Variants in KIF26B observed in about 807,000 individuals in gnomAD.
KIF26B encodes kinesin family member 26B, also known as kinesin-like protein KIF26B.
In KIF26B, 63 loss-of-function variants were observed where a neutral mutation model predicts 151.2. That is an observed-to-expected ratio of 0.42 (90% CI 0.34 to 0.51). The LOEUF (loss-of-function observed/expected upper bound fraction) is 0.51, where lower values mean the gene tolerates loss of function less well. Ranked by LOEUF, KIF26B falls within the 20% of genes least tolerant of loss-of-function variation. The pLI, the probability that KIF26B is intolerant of heterozygous loss-of-function variation, is 0.07. For missense variants in KIF26B, 2,813 were observed against 2,913.6 expected, an observed-to-expected ratio of 0.97 and a Z score of 0.79; for synonymous variants, 1,357 against 1,262.1, an observed-to-expected ratio of 1.08 and a Z score of -1.59.
At chr1:245,284,809 C>T (rs1367848038) in intron 2 of KIF26B, among the ~76,000 whole-genome samples, 3 of 152,098 alleles carry the variant, frequency 2.0e-5, no homozygotes, top group East Asian at 1.9e-4. Context: ...GAGGCTGAGG[C>T]GGGCGGATCA....
intron 6 of KIF26B, among the ~76,000 whole-genome samples, chr1:245,607,414 C>G (rs186157698): frequency 6.6e-6 from 1 of 152,184 alleles, no homozygotes. Flanking sequence ...CTGAAACGTA[C>G]CACGGATTAG....
Position 245,688,417 on chromosome 1 carries a change from C to G in KIF26B, c.5434C>G (p.Leu1812Val). ...CGTCAGCGGGCGCATCTCGGAGCTG[C>G]TGCAGGGTGGCGCGGGCGCCCGGGG... ...RAVSGRISEL[L>V]QGGAGARGLQ... The change falls in exon 12 of 15, where the codon CTG becomes GTG. Residue 1812 changes from leucine to valine, a missense_variant. By Grantham distance (32) the Leu-to-Val change is conservative. This residue lies in a region of KIF26B where 2,060 missense variants were observed against 2,088.6 expected (regional missense o/e 0.99). Transcript: ENST00000407071. 6.8e-7 allele frequency: 1 copy of G among 1,460,012 alleles called. No individual in the cohort carries two copies. The highest frequency in any genetic ancestry group is 9.0e-7 in the Non-Finnish European group (1 of 1,112,630). 90.4% of individuals were successfully genotyped at this position (1,460,012 alleles called of 1,614,324 possible).
intron 4 of KIF26B, among the ~76,000 whole-genome samples, chr1:245,422,927 C>A (rs553608271): frequency 6.6e-6 from 1 of 151,780 alleles, no homozygotes; most frequent in Non-Finnish European, 1.5e-5. Context: ...GGTGAGACCC[C>A]GTCTCTACTA....
intron 9 of KIF26B, among the ~76,000 whole-genome samples, chr1:245,638,803 G>A (rs988976972): frequency 4.6e-5 from 7 of 151,846 alleles, no homozygotes; most frequent in Admixed American, 2.0e-4. Context: ...ACTTACATAT[G>A]TTGAACTATC....
chr1:245,517,519 G>C (rs1023996769), intron 4 of KIF26B, among the ~76,000 whole-genome samples: 7 of 152,194 alleles, frequency 4.6e-5, no homozygotes, highest in Non-Finnish European at 8.8e-5. Flanking sequence ...ATAGAGACCT[G>C]TAGACCAAAT....
chr1:245,396,961 C>CTT (rs1558150078), intron 3 of KIF26B, among the ~76,000 whole-genome samples: 114 of 97,086 alleles, frequency 1.2e-3, no homozygotes, highest in African/African-American at 8.1e-3. Context: ...CATTTCTACT[C>CTT]CTTTTTTTTT....
intron 4 of KIF26B, among the ~76,000 whole-genome samples, chr1:245,432,058 AC>A (rs1658794755): frequency 6.6e-6 from 1 of 151,722 alleles, no homozygotes; most frequent in Non-Finnish European, 1.5e-5. Context: ...CTCAAATGCC[AC>A]TTCCTTGGTA....
chr1:245,671,706 C>T (rs911362598), intron 10 of KIF26B, among the ~76,000 whole-genome samples: 1 of 152,224 alleles, frequency 6.6e-6, no homozygotes, highest in South Asian at 2.1e-4. Context: ...GTTGCTAGTT[C>T]TGTCAGACTT....
chr1:245,213,563 A>T (rs1323243662), intron 2 of KIF26B, among the ~76,000 whole-genome samples: 3 of 151,950 alleles, frequency 2.0e-5, no homozygotes, highest in African/African-American at 7.2e-5. Context: ...AGAGAAGAAA[A>T]GAAGGGCGTG....
intron 2 of KIF26B, among the ~76,000 whole-genome samples, chr1:245,186,682 C>A (rs6665908): frequency 0.76 from 115,616 of 152,074 alleles, 44,659 homozygotes; most frequent in East Asian, 0.88. Context: ...TAAAGTGGGA[C>A]TCTTAGTACT....
rs894878775 is a variant in KIF26B at position 245,563,718 on chromosome 1, C to T, written c.1350+22768C>T. Among the ~76,000 whole-genome samples, 6 of 147,992 alleles carry T rather than the reference C, an allele frequency of 4.1e-5. No individual in the cohort carries two copies. The highest frequency in any genetic ancestry group is 1.5e-4 in the African/African-American group (6 of 40,078). ...ATAAGATTATAATACTGTGTTTTTA[C>T]TACACCTTTTCTATGTTTAGGTATG... On this transcript the variant is annotated intron_variant, in intron 5 of 14. Transcript: ENST00000407071. The surrounding 1 kb of genome is among the most constrained non-coding windows in gnomAD (Gnocchi z 4.6).
At chr1:245,283,016 G>T in intron 2 of KIF26B, 1 of 283,916 alleles carries the variant, frequency 3.5e-6, no homozygotes, top group African/African-American at 2.3e-5. Context: ...TGTGCTTCAT[G>T]GCTTGCAACA....
In KIF26B at chr1:245,571,915, C is replaced by T. The variant is rs531869497; in HGVS notation, c.1351-30662C>T. Among the ~76,000 whole-genome samples, 10 of 152,290 alleles carry T rather than the reference C, an allele frequency of 6.6e-5. No homozygotes were observed. In the South Asian group the frequency reaches 1.0e-3, roughly 16 times the overall value. On this transcript the variant is annotated intron_variant, in intron 5 of 14. Coordinates refer to ENST00000407071, the MANE Select transcript of KIF26B (RefSeq NM_018012.4). The stretch of plus-strand genomic sequence containing the variant: ...AAAGAGGTATCTACCATCAAAGGGG[C>T]TAATCGTCCGAGTGACAGACACGCA...
intron 3 of KIF26B, among the ~76,000 whole-genome samples, chr1:245,381,744 C>T (rs190901021): frequency 1.1e-3 from 174 of 152,326 alleles, no homozygotes; most frequent in African/African-American, 4.0e-3. Flanking sequence ...CTCCCTCCCA[C>T]CAGCCCCTGG....
intron 2 of KIF26B, 39 bp downstream of exon 2, chr1:245,156,722 G>A (rs1365383597): frequency 6.1e-6 from 8 of 1,306,882 alleles, no homozygotes; most frequent in Middle Eastern, 2.7e-4. Context: ...GGCGCCGGGA[G>A]GGCGGGGCCG....
chr1:245,410,698 C>T (rs1218471781), intron 3 of KIF26B, among the ~76,000 whole-genome samples: 33 of 152,178 alleles, frequency 2.2e-4, no homozygotes. Flanking sequence ...AATCTGTCTG[C>T]CTCGGCCCCC....
intron 2 of KIF26B, among the ~76,000 whole-genome samples, chr1:245,330,675 G>A (rs1267084355): frequency 5.0e-5 from 2 of 40,310 alleles, no homozygotes; most frequent in South Asian, 1.6e-3. Flanking sequence ...GGGGACAGTC[G>A]GGGGAGAGTC....
At position 245,702,839 on chromosome 1, in the gene KIF26B, A is replaced by C; in HGVS notation, c.*233A>C. On this transcript the variant is annotated 3_prime_UTR_variant, in exon 15 of 15. Coordinates refer to ENST00000407071, the MANE Select transcript of KIF26B (RefSeq NM_018012.4). The surrounding 1 kb of genome is among the most constrained non-coding windows in gnomAD (Gnocchi z 4.1). ...AGGATGGGAAGCCCGAGGGGTGTCC[A>C]AGCCCTGTGAGACTGAAAAAGCACT... The C allele has an allele frequency of 2.2e-6, 1 of 453,318 alleles. No homozygotes were observed. Among genetic ancestry groups the C allele is most frequent in the Non-Finnish European group, 3.9e-6 (1 of 258,498 alleles). The allele number at this position is 453,318 out of a possible 1,614,324, so 28.1% of individuals were successfully genotyped here.
intron 2 of KIF26B, among the ~76,000 whole-genome samples, chr1:245,249,228 C>T (rs992395045): frequency 2.0e-5 from 3 of 151,848 alleles, no homozygotes; most frequent in Admixed American, 1.3e-4. Context: ...TCCTGAGTAG[C>T]TGGGATTACA....
Sources: allele counts gnomAD v4.1 joint callset (sites outside exome capture counted in the v4.1 genomes callset), GRCh38; gene constraint gnomAD v4.1.1; regional missense constraint gnomAD v4.1.1; non-coding constraint Gnocchi (gnomAD v3.1); transcripts MANE v1.5; gene names NCBI Gene and HGNC (gene_info 2026-07-23, HGNC 2026-07-21).